The following ERBB4 variants were observed in gnomAD, a reference collection of about 807,000 sequenced individuals.
The protein encoded by ERBB4 is receptor tyrosine-protein kinase erbB-4.
Under a neutral mutation model 158.0 loss-of-function variants are expected in ERBB4, and 42 were observed. The observed-to-expected ratio is 0.27, with a 90% CI of 0.21 to 0.34. The LOEUF is 0.34. Among genes scored for constraint, ERBB4 ranks in the 10% least tolerant of loss-of-function variants. The pLI is 1.00. For synonymous variants in ERBB4, 583 were observed against 558.7 expected, an observed-to-expected ratio of 1.04 and a Z score of -0.61; for missense variants, 1,333 against 1,624.1, an observed-to-expected ratio of 0.82 and a Z score of 3.08.
chr2:211,818,721 TTTTTTC>T (rs2076929059), intron 3 of ERBB4, among the ~76,000 whole-genome samples: 4 of 152,216 alleles, frequency 2.6e-5, no homozygotes, highest in Non-Finnish European at 5.9e-5. Context: ...CTTGAAACTA[TTTTTTC>T]AACAAAAACA....
intron 4 of ERBB4, among the ~76,000 whole-genome samples, chr2:211,759,514 C>T (rs2075359494): frequency 6.6e-6 from 1 of 152,072 alleles, no homozygotes; most frequent in African/African-American, 2.4e-5. Flanking sequence ...ACTGTCATCT[C>T]CTGCTGTTCC....
intron 20 of ERBB4, among the ~76,000 whole-genome samples, chr2:211,512,185 G>A (rs2065900117): frequency 6.6e-6 from 1 of 152,120 alleles, no homozygotes; most frequent in Non-Finnish European, 1.5e-5. Context: ...AAGAACGAAA[G>A]TGCGCTCATT....
At chr2:211,476,467 T>C (rs1393027378) in intron 20 of ERBB4, among the ~76,000 whole-genome samples, 1 of 151,676 alleles carries the variant, frequency 6.6e-6, no homozygotes, top group Non-Finnish European at 1.5e-5. Flanking sequence ...TAACATCAGG[T>C]AGAATTGACA....
rs76145873 is a variant in ERBB4 at position 212,344,367 on chromosome 2, A to G, written c.82+194082T>C. 6.4e-3 allele frequency among the ~76,000 whole-genome samples: 971 copies of G among 152,256 alleles called. 5 individuals are homozygous for G. The highest frequency in any genetic ancestry group is 0.022 in the African/African-American group (927 of 41,544). ...AGTTGCGACAACCAAAAATGTCTCCAGACCTTGCTAAATGTCCCCTAAGGC... is the reference window on the plus strand; with the variant it reads ...AGTTGCGACAACCAAAAATGTCTCCGGACCTTGCTAAATGTCCCCTAAGGC... On this transcript the variant is annotated intron_variant, in intron 1 of 27. Transcript: ENST00000342788.
At chr2:211,540,548 T>A (rs1217784272) in intron 20 of ERBB4, among the ~76,000 whole-genome samples, 1 of 151,632 alleles carries the variant, frequency 6.6e-6, no homozygotes, top group African/African-American at 2.4e-5. Context: ...TTTTTTGTTT[T>A]TGTTTTTGTT....
intron 1 of ERBB4, among the ~76,000 whole-genome samples, chr2:212,419,041 T>C (rs924460325): frequency 2.6e-5 from 4 of 151,868 alleles, no homozygotes; most frequent in African/African-American, 9.7e-5. Context: ...ACTCTGCCTG[T>C]ACTTTATTCA....
intron 1 of ERBB4, among the ~76,000 whole-genome samples, chr2:212,228,203 A>G (rs73062438): frequency 0.037 from 5,603 of 152,282 alleles, 339 homozygotes; most frequent in African/African-American, 0.12. Flanking sequence ...AACTAATCCT[A>G]TTTAACTAAA....
chr2:211,679,200 ATCAAGGGGAAATAAAACAG>A lies in ERBB4; in HGVS notation c.1490-35_1490-17del. The A allele has an allele frequency of 6.2e-7, 1 of 1,612,572 alleles. No individual in the cohort carries two copies. Among genetic ancestry groups the A allele is most frequent in the Non-Finnish European group, 8.5e-7 (1 of 1,178,994 alleles). On this transcript the variant is annotated splice_polypyrimidine_tract_variant and intron_variant, in intron 12 of 27. Coordinates refer to ENST00000342788, the MANE Select transcript of ERBB4 (RefSeq NM_005235.3). ...CCTTCAGCAGCTGTGAAACACCAAA[ATCAAGGGGAAATAAAACAG>A]AGGATTGTGTCAAAACTTAAAATCT...
At chr2:212,314,787 CTCTT>C (rs1223041941) in intron 1 of ERBB4, among the ~76,000 whole-genome samples, 1 of 151,186 alleles carries the variant, frequency 6.6e-6, no homozygotes. Flanking sequence ...AAGAGCCTTT[CTCTT>C]TCATTTACTA....
chr2:211,536,417 C>T (rs1431519694), intron 20 of ERBB4, among the ~76,000 whole-genome samples: 1 of 152,014 alleles, frequency 6.6e-6, no homozygotes, highest in Non-Finnish European at 1.5e-5. Flanking sequence ...AAACTGTGGA[C>T]ATTACTCCGG....
chr2:211,572,727 T>A (rs1169460837), intron 19 of ERBB4, among the ~76,000 whole-genome samples: 3 of 152,226 alleles, frequency 2.0e-5, no homozygotes, highest in Non-Finnish European at 4.4e-5. Context: ...CCTACTTTTA[T>A]AAAGACTCTT....
At chr2:211,784,550 G>A (rs2076111807) in intron 4 of ERBB4, among the ~76,000 whole-genome samples, 1 of 152,078 alleles carries the variant, frequency 6.6e-6, no homozygotes, top group African/African-American at 2.4e-5. Context: ...TATGAATAAT[G>A]CTGCTATGAG....
At chr2:212,346,866 G>C (rs948461121) in intron 1 of ERBB4, among the ~76,000 whole-genome samples, 1 of 152,078 alleles carries the variant, frequency 6.6e-6, no homozygotes, top group African/African-American at 2.4e-5. Flanking sequence ...ACCTCAAAAT[G>C]ACTATTACTT....
chr2:211,759,842 G>A (rs2075366783), intron 4 of ERBB4, among the ~76,000 whole-genome samples: 1 of 146,484 alleles, frequency 6.8e-6, no homozygotes, highest in Non-Finnish European at 1.5e-5. Flanking sequence ...TGTGTGTGTT[G>A]CATTTTAACA....
intron 19 of ERBB4, among the ~76,000 whole-genome samples, chr2:211,606,671 A>G (rs2068990100): frequency 6.6e-6 from 1 of 152,164 alleles, no homozygotes; most frequent in African/African-American, 2.4e-5. Flanking sequence ...CCAGTAAAAT[A>G]AGAGAATTCA....
At chr2:211,977,724 T>C (rs1412442514) in intron 2 of ERBB4, among the ~76,000 whole-genome samples, 2 of 150,636 alleles carry the variant, frequency 1.3e-5, no homozygotes, top group Non-Finnish European at 3.0e-5. Context: ...ATTTTTTAAA[T>C]AGCTGTAATC....
At chr2:212,073,361 T>C (rs1356225028) in intron 2 of ERBB4, among the ~76,000 whole-genome samples, 1 of 151,954 alleles carries the variant, frequency 6.6e-6, no homozygotes, top group African/African-American at 2.4e-5. Context: ...ATAGCTAGAA[T>C]GGAGGCAGAA....
At chr2:211,725,398 G>C (rs188438356) in intron 5 of ERBB4, among the ~76,000 whole-genome samples, 1 of 152,110 alleles carries the variant, frequency 6.6e-6, no homozygotes, top group East Asian at 1.9e-4. Flanking sequence ...ATTCTTTCTT[G>C]TTTCAGCAAA....
chr2:212,320,655 G>A (rs142587016), intron 1 of ERBB4, among the ~76,000 whole-genome samples: 2 of 149,640 alleles, frequency 1.3e-5, no homozygotes, highest in African/African-American at 2.4e-5. Flanking sequence ...CAAGCATTGG[G>A]ACACAGAAAG....
Sources: gnomAD v4.1 joint callset for allele counts (sites outside exome capture counted in the v4.1 genomes callset) on GRCh38, gnomAD v4.1.1 for gene constraint, MANE v1.5 for transcripts, NCBI Gene and HGNC (gene_info 2026-07-23, HGNC 2026-07-21) for gene names.